Variants in PATJ observed in about 807,000 individuals in gnomAD.
The protein encoded by PATJ is PATJ crumbs cell polarity complex component, also known as inaD-like protein.
A neutral mutation model predicts 224.9 loss-of-function variants in PATJ; 190 were observed. The ratio of observed to expected loss-of-function variants is 0.84; its 90% CI spans 0.75 to 0.95. The LOEUF is 0.95. Ranked by LOEUF, PATJ falls within the 40% of genes least tolerant of loss-of-function variation. The pLI is 0.00. For synonymous variants in PATJ, 769 were observed against 820.3 expected, an observed-to-expected ratio of 0.94 and a Z score of 1.07; for missense variants, 2,121 against 2,270.3, an observed-to-expected ratio of 0.93 and a Z score of 1.34.
At chr1:62,122,663 A>G (rs1427563177) in intron 38 of PATJ, among the ~76,000 whole-genome samples, 2 of 144,146 alleles carry the variant, frequency 1.4e-5, no homozygotes, top group African/African-American at 2.9e-5. Flanking sequence ...CGTCTCTACT[A>G]AAAATACAAA....
At chr1:61,886,401 G>A (rs143382246) in intron 22 of PATJ, among the ~76,000 whole-genome samples, 70 of 152,282 alleles carry the variant, frequency 4.6e-4, no homozygotes, top group African/African-American at 1.4e-3. Flanking sequence ...CCGGGGCTTG[G>A]CCACATGGAT....
chr1:62,149,093 A>C (rs1205844616), intron 42 of PATJ, among the ~76,000 whole-genome samples: 1 of 148,158 alleles, frequency 6.7e-6, no homozygotes, highest in East Asian at 2.0e-4. Flanking sequence ...GCACTACTGC[A>C]CTCCAGCCTG....
chr1:62,116,616 CTTATCT>C lies in PATJ; in HGVS notation c.4741_4746del (p.Leu1581_Ser1582del). On this transcript the variant is annotated inframe_deletion, in exon 36 of 44. Transcript: ENST00000642238. Reference sequence around the variant, plus strand: ...GGAGATTGATTCAGGGAGATCAGATCTTATCTGTGAATGGGGAGGACATGAGAAATG... The same window carrying C: ...GGAGATTGATTCAGGGAGATCAGATCGTGAATGGGGAGGACATGAGAAATG... The C allele has an allele frequency of 1.2e-6, 2 of 1,614,020 alleles. No individual in the cohort carries two copies. Among genetic ancestry groups the C allele is most frequent in the African/African-American group, 2.7e-5 (2 of 75,032 alleles).
intron 43 of PATJ, among the ~76,000 whole-genome samples, chr1:62,157,584 AC>A (rs1457305100): frequency 1.3e-5 from 2 of 148,850 alleles, no homozygotes; most frequent in African/African-American, 4.9e-5. Context: ...TAATCCCAGC[AC>A]TGTGGGAGGC....
At chr1:62,106,184 A>G (rs1663018752) in intron 33 of PATJ, among the ~76,000 whole-genome samples, 1 of 113,138 alleles carries the variant, frequency 8.8e-6, no homozygotes, top group Non-Finnish European at 1.9e-5. Flanking sequence ...ATATATATAT[A>G]TATGGCTGGG....
chr1:62,129,521 G>A (rs1003997398), intron 41 of PATJ, among the ~76,000 whole-genome samples: 36 of 152,204 alleles, frequency 2.4e-4, no homozygotes, highest in African/African-American at 8.7e-4. Flanking sequence ...TTATATTTTA[G>A]CCCTTCAGAT....
At chr1:62,157,181 G>A (rs1669312613) in intron 43 of PATJ, among the ~76,000 whole-genome samples, 1 of 151,682 alleles carries the variant, frequency 6.6e-6, no homozygotes. Flanking sequence ...AAAATTAGCT[G>A]GGCATAGTGG....
chr1:62,152,109 C>T (rs982144634), intron 42 of PATJ, among the ~76,000 whole-genome samples: 20 of 152,144 alleles, frequency 1.3e-4, no homozygotes, highest in Admixed American at 2.0e-4. Context: ...CTGACAAGCA[C>T]CACACATGGT....
chr1:61,796,724 T>TTCTTCTTTC (rs1223383945), intron 10 of PATJ, among the ~76,000 whole-genome samples: 1 of 52,730 alleles, frequency 1.9e-5, no homozygotes, highest in Non-Finnish European at 3.7e-5. Context: ...CTTTCTTTCT[T>TTCTTCTTTC]TTTCTTTCTT....
intron 41 of PATJ, among the ~76,000 whole-genome samples, chr1:62,139,372 C>G (rs1328565280): frequency 6.9e-6 from 1 of 145,180 alleles, no homozygotes; most frequent in Non-Finnish European, 1.5e-5. Context: ...GGCACTCCAG[C>G]CTGGGCGACA....
chr1:61,990,456 T>A (rs965411151), intron 28 of PATJ, 92 bp downstream of exon 28: 2 of 739,038 alleles, frequency 2.7e-6, no homozygotes, highest in African/African-American at 1.8e-5. Context: ...GGAAGAATGA[T>A]GTCAAATTAT....
At chr1:61,995,627 A>G (rs529700940) in intron 28 of PATJ, among the ~76,000 whole-genome samples, 2 of 152,338 alleles carry the variant, frequency 1.3e-5, no homozygotes, top group Non-Finnish European at 2.9e-5. Flanking sequence ...CTTGGTTCAC[A>G]TACAAAAGAA....
In PATJ at chr1:61,823,812, A is replaced by C. The variant is rs543963582; in HGVS notation, c.1818+733A>C. ...ACCAAGTAGGTCTCATGTTGTGTGT[A>C]ATTGTAATTTATTAGTAGTGTCCAG... On this transcript the variant is annotated intron_variant, in intron 15 of 43. Coordinates refer to ENST00000642238, the MANE Select transcript of PATJ (RefSeq NM_001350145.3). Among the ~76,000 whole-genome samples the C allele has an allele frequency of 1.1e-4, 16 of 152,220 alleles. No homozygotes were observed. The South Asian group carries it at 3.1e-3, about 30-fold the overall frequency.
intron 41 of PATJ, among the ~76,000 whole-genome samples, chr1:62,133,346 C>G (rs998042945): frequency 6.6e-6 from 1 of 152,008 alleles, no homozygotes; most frequent in Non-Finnish European, 1.5e-5. Context: ...TTTTGGGAGG[C>G]CAAGGCAGGT....
At chr1:61,978,270 C>G (rs1644259815) in intron 27 of PATJ, among the ~76,000 whole-genome samples, 1 of 115,692 alleles carries the variant, frequency 8.6e-6, no homozygotes. Context: ...ATTCTTTCTT[C>G]TTTCTTTTTT....
Position 61,829,121 on chromosome 1 carries a change from C to G in PATJ, c.1980+1538C>G, listed in dbSNP as rs551408634. 8.5e-5 allele frequency among the ~76,000 whole-genome samples: 13 copies of G among 152,304 alleles called. No homozygotes were observed. In the South Asian group the frequency reaches 2.5e-3, roughly 29 times the overall value. ...TCCTGAAGTACATGAGAGTCTAACA[C>G]TGTCTTATAGATACTTTAGTATGTA... On this transcript the variant is annotated intron_variant, in intron 16 of 43. Transcript: ENST00000642238.
intron 41 of PATJ, among the ~76,000 whole-genome samples, chr1:62,130,559 AAAAG>A (rs1666150206): frequency 6.6e-6 from 1 of 151,630 alleles, no homozygotes; most frequent in Non-Finnish European, 1.5e-5. Context: ...AAATTAGAAA[AAAAG>A]AAAAACTGCT....
Position 62,162,126 on chromosome 1 carries a change from A to G in PATJ, c.*1072A>G, listed in dbSNP as rs561640876. 6.6e-6 allele frequency: 1 copy of G among 152,346 alleles called. No individual in the cohort carries two copies. Among genetic ancestry groups the G allele is most frequent in the South Asian group, 2.1e-4 (1 of 4,826 alleles). 9.4% of individuals were successfully genotyped at this position (152,346 alleles called of 1,614,324 possible). On this transcript the variant is annotated 3_prime_UTR_variant, in exon 44 of 44. Coordinates refer to ENST00000642238, the MANE Select transcript of PATJ (RefSeq NM_001350145.3). ...AACCTTATTCTCAGCAGGAACAACT[A>G]GCATACATGTTCTGAATTCTAACAG...
At chr1:62,085,950 T>C (rs1369948921) in intron 33 of PATJ, among the ~76,000 whole-genome samples, 2 of 152,072 alleles carry the variant, frequency 1.3e-5, no homozygotes, top group African/African-American at 4.8e-5. Context: ...TATTAGTGTT[T>C]CCTGGGATGA....
Sources: allele counts gnomAD v4.1 joint callset (sites outside exome capture counted in the v4.1 genomes callset), GRCh38; gene constraint gnomAD v4.1.1; transcripts MANE v1.5; gene names NCBI Gene and HGNC (gene_info 2026-07-23, HGNC 2026-07-21).